The following DSG4 variants were observed in gnomAD, a reference collection of about 807,000 sequenced individuals.
DSG4 encodes desmoglein 4.
Under a neutral mutation model 93.1 loss-of-function variants are expected in DSG4, and 87 were observed. The ratio of observed to expected loss-of-function variants is 0.93; its 90% CI spans 0.79 to 1.12. DSG4 has a LOEUF of 1.12. Ranked by LOEUF, DSG4 falls within the 50% of genes most tolerant of loss-of-function variation. DSG4 has a pLI of 0.00. For missense variants in DSG4, 1,373 were observed against 1,285.7 expected (o/e 1.07, Z -1.04); for synonymous variants, 432 against 452.9 (o/e 0.95, Z 0.59).
At chr18:31,407,890 T>C (rs528301289) in intron 12 of DSG4, among the ~76,000 whole-genome samples, 1 of 152,332 alleles carries the variant, frequency 6.6e-6, no homozygotes. Context: ...ACTAGAGTCA[T>C]ACTCAAGATG....
At chr18:31,407,248 T>C (rs1180394623) in intron 12 of DSG4, among the ~76,000 whole-genome samples, 1 of 152,166 alleles carries the variant, frequency 6.6e-6, no homozygotes, top group Non-Finnish European at 1.5e-5. Context: ...TGGAGGCATG[T>C]TCATGACACA....
intron 2 of DSG4, 69 bp from the exon 3 acceptor site, chr18:31,386,619 T>G (rs2072190231): frequency 1.3e-6 from 2 of 1,598,334 alleles, no homozygotes; most frequent in Non-Finnish European, 1.7e-6. Context: ...CCTTACAATA[T>G]TAAATAAATG....
chr18:31,396,142 C>T (rs1025178934), intron 8 of DSG4, among the ~76,000 whole-genome samples: 1 of 151,866 alleles, frequency 6.6e-6, no homozygotes, highest in Non-Finnish European at 1.5e-5. Flanking sequence ...TATATATATA[C>T]ATATTTGACT....
At chr18:31,377,074 G>A in intron 1 of DSG4, 115 bp downstream of exon 1, 1 of 1,174,900 alleles carries the variant, frequency 8.5e-7, no homozygotes, top group Non-Finnish European at 1.2e-6. Context: ...CCTGCAAAGA[G>A]AGTTCTAGAA....
intron 9 of DSG4, among the ~76,000 whole-genome samples, chr18:31,400,397 C>T (rs2072351803): frequency 6.6e-6 from 1 of 152,148 alleles, no homozygotes; most frequent in Non-Finnish European, 1.5e-5. Flanking sequence ...AGGTCAAGCA[C>T]TTTAAATCTA....
At chr18:31,390,952 A>C in intron 6 of DSG4, 126 bp from the exon 7 acceptor site, 1 of 1,503,184 alleles carries the variant, frequency 6.7e-7, no homozygotes, top group East Asian at 2.5e-5. Flanking sequence ...AATAAAAATT[A>C]AAAGCTCAAT....
chr18:31,409,548 T>A lies in DSG4; in HGVS notation c.2030T>A (p.Val677Glu), dbSNP rs1271561539. 6.2e-7 allele frequency: 1 copy of A among 1,613,722 alleles called. No individual in the cohort carries two copies. Among genetic ancestry groups the A allele is most frequent in the Non-Finnish European group, 8.5e-7 (1 of 1,179,934 alleles). Reference sequence around the variant, plus strand: ...CCTGTGCCTGAGGGCGGAGAAGGAGTGATGCAGTCTTGGAGAATTGAAGGG... The same window carrying A: ...CCTGTGCCTGAGGGCGGAGAAGGAGAGATGCAGTCTTGGAGAATTGAAGGG... ...FAPVPEGGEG[V>E]MQSWRIEGAH... is the part of the protein sequence containing the mutation. Residue 677 changes from valine to glutamate, a missense_variant, in exon 13 of 16, where the codon GTG becomes GAG. Coordinates refer to ENST00000308128, the MANE Select transcript of DSG4 (RefSeq NM_177986.5).
Position 31,406,131 on chromosome 18 carries a change from T to A in DSG4, c.1691T>A (p.Ile564Asn). The change falls in exon 12 of 16, where the codon ATC (isoleucine) becomes AAC (asparagine). Residue 564 changes from isoleucine to asparagine, a missense_variant. Transcript: ENST00000308128. ...KQVLSPGFYE[I>N]PILVKDSYNR... ...GTTTTATCTCCAGGATTTTATGAAATCCCAATCCTGGTGAAGGACAGCTAT... is the reference window on the plus strand; with the variant it reads ...GTTTTATCTCCAGGATTTTATGAAAACCCAATCCTGGTGAAGGACAGCTAT... 6.2e-7 allele frequency: 1 copy of A among 1,614,094 alleles called. No individual in the cohort carries two copies.
intron 12 of DSG4, among the ~76,000 whole-genome samples, chr18:31,406,847 G>A (rs756767086): frequency 5.3e-5 from 8 of 151,296 alleles, no homozygotes; most frequent in Non-Finnish European, 8.8e-5. Context: ...GCGCAACCTC[G>A]GCTCACTGCA....
intron 12 of DSG4, among the ~76,000 whole-genome samples, chr18:31,408,374 C>T (rs1292382318): frequency 6.6e-6 from 1 of 152,232 alleles, no homozygotes; most frequent in Non-Finnish European, 1.5e-5. Flanking sequence ...TAGGCAGAAC[C>T]ATGGCCTAGG....
At chr18:31,390,509 C>A in intron 5 of DSG4, 147 bp from the exon 6 acceptor site, 1 of 914,070 alleles carries the variant, frequency 1.1e-6, no homozygotes, top group Non-Finnish European at 1.7e-6. Flanking sequence ...ACTGGTAGAG[C>A]TGAAAGTTAT....
intron 8 of DSG4, among the ~76,000 whole-genome samples, chr18:31,395,517 C>T (rs1245780320): frequency 5.3e-5 from 8 of 152,038 alleles, no homozygotes; most frequent in Non-Finnish European, 1.2e-4. Flanking sequence ...AGAACATAAG[C>T]GTAATTTTCC....
chr18:31,399,220 T>C, intron 8 of DSG4, 52 bp from the exon 9 acceptor site: 2 of 1,609,444 alleles, frequency 1.2e-6, no homozygotes, highest in Non-Finnish European at 1.7e-6. Context: ...TCTTACTTTA[T>C]CGAAAGAGAG....
chr18:31,410,667 C>T (rs2072477284), intron 14 of DSG4, among the ~76,000 whole-genome samples: 1 of 152,166 alleles, frequency 6.6e-6, no homozygotes, highest in African/African-American at 2.4e-5. Flanking sequence ...ATACTGAACA[C>T]ACTACTTAGC....
At chr18:31,386,621 A>C in intron 2 of DSG4, 67 bp from the exon 3 acceptor site, 2 of 1,599,078 alleles carry the variant, frequency 1.3e-6, no homozygotes, top group Admixed American at 3.3e-5. Flanking sequence ...TTACAATATT[A>C]AATAAATGTC....
intron 10 of DSG4, among the ~76,000 whole-genome samples, chr18:31,402,071 AT>A (rs2072374099): frequency 6.6e-6 from 1 of 152,210 alleles, no homozygotes; most frequent in Admixed American, 6.5e-5. Flanking sequence ...TATTGGTCAT[AT>A]GTGAAAAATC....
Position 31,385,148 on chromosome 18 carries a change from G to T in DSG4, c.61G>T (p.Val21Leu). 6.3e-7 allele frequency: 1 copy of T among 1,599,216 alleles called. No homozygotes were observed. The highest frequency in any genetic ancestry group is 8.5e-7 in the Non-Finnish European group (1 of 1,170,698). ...TCTATCAAAACAGGTGGTGATGGAA[G>T]TAAACAGTGAATTTATTGTTGAGGT... ...LLIILMVVME[V>L]NSEFIVEVKE... Residue 21 changes from valine to leucine, a missense_variant, in exon 2 of 16, where the codon GTA (valine) becomes TTA (leucine). Transcript: ENST00000308128.
In DSG4 at chr18:31,413,252, C is replaced by T. The variant is rs767962515; in HGVS notation, c.2780C>T (p.Pro927Leu). Residue 927 changes from proline to leucine, a missense_variant, in exon 16 of 16, where the codon CCT becomes CTT. Coordinates refer to ENST00000308128, the MANE Select transcript of DSG4 (RefSeq NM_177986.5). ...CVQPTTIIFD[P>L]QLAPNVVVTE... ...CAACCCACTACAATTATTTTTGATC[C>T]TCAGCTTGCACCCAATGTTGTAGTA... 1.7e-5 allele frequency: 27 copies of T among 1,614,098 alleles called. No homozygotes were observed. The highest frequency in any genetic ancestry group is 2.3e-5 in the Non-Finnish European group (27 of 1,180,036).
At chr18:31,401,060 C>T in intron 10 of DSG4, 40 bp downstream of exon 10, 2 of 1,472,478 alleles carry the variant, frequency 1.4e-6, no homozygotes, top group Non-Finnish European at 1.9e-6. Context: ...AAAACTAGTA[C>T]TATTATATTA....
Sources: gnomAD v4.1 joint callset for allele counts (sites outside exome capture counted in the v4.1 genomes callset) on GRCh38, gnomAD v4.1.1 for gene constraint, MANE v1.5 for transcripts, NCBI Gene and HGNC (gene_info 2026-07-23, HGNC 2026-07-21) for gene names.